RALYL: variants seen among roughly 807,000 people sequenced by gnomAD.
RALYL encodes the protein RALY RNA binding protein like, also known as RNA-binding Raly-like protein.
A neutral mutation model predicts 35.1 loss-of-function variants in RALYL; 29 were observed. The ratio of observed to expected loss-of-function variants is 0.83; its 90% CI spans 0.61 to 1.13. The LOEUF is 1.13. Among genes scored for constraint, RALYL ranks in the 50% most tolerant of loss-of-function variants. RALYL has a pLI of 0.00. For synonymous variants in RALYL, 120 were observed against 127.6 expected, an observed-to-expected ratio of 0.94 and a Z score of 0.40; for missense variants, 359 against 360.4, an observed-to-expected ratio of 1.00 and a Z score of 0.03.
At chr8:84,514,898 A>C (rs1186898922) in intron 1 of RALYL, among the ~76,000 whole-genome samples, 3 of 152,192 alleles carry the variant, frequency 2.0e-5, no homozygotes, top group Non-Finnish European at 4.4e-5. Flanking sequence ...TAGTTCTAGC[A>C]GTTGGTTCCC....
intron 2 of RALYL, among the ~76,000 whole-genome samples, chr8:84,591,496 CA>C (rs1813263149): frequency 6.6e-6 from 1 of 152,138 alleles, no homozygotes; most frequent in African/African-American, 2.4e-5. Flanking sequence ...CCTAAGTTTG[CA>C]TAAGGAACCC....
intron 1 of RALYL, among the ~76,000 whole-genome samples, chr8:84,527,440 A>G (rs966200402): frequency 2.0e-5 from 3 of 152,202 alleles, no homozygotes; most frequent in Non-Finnish European, 4.4e-5. Context: ...TAACCAATGT[A>G]TATCTGTCCA....
intron 2 of RALYL, among the ~76,000 whole-genome samples, chr8:84,680,204 A>T (rs1835123947): frequency 6.6e-6 from 1 of 152,184 alleles, no homozygotes; most frequent in South Asian, 2.1e-4. Flanking sequence ...GCTGCATAGT[A>T]TTCCATGGTA....
chr8:84,568,062 ATTATAC>A (rs2061911589), intron 2 of RALYL, among the ~76,000 whole-genome samples: 1 of 151,294 alleles, frequency 6.6e-6, no homozygotes, highest in East Asian at 1.9e-4. Flanking sequence ...TTTTATTATT[ATTATAC>A]TTTAGGTTAT....
chr8:84,537,444 T>G (rs930814854), intron 2 of RALYL, among the ~76,000 whole-genome samples: 1 of 146,490 alleles, frequency 6.8e-6, no homozygotes, highest in Non-Finnish European at 1.5e-5. Context: ...GCCACTGCAC[T>G]CCAGCCTCAG....
chr8:84,447,997 G>A (rs530225973), intron 1 of RALYL, among the ~76,000 whole-genome samples: 142 of 151,902 alleles, frequency 9.3e-4, no homozygotes, highest in African/African-American at 3.2e-3. Flanking sequence ...AGAGTGAGGA[G>A]AGAGAGAGAG....
intron 1 of RALYL, among the ~76,000 whole-genome samples, chr8:84,258,512 T>C (rs375029942): frequency 9.9e-5 from 15 of 152,162 alleles, no homozygotes; most frequent in African/African-American, 3.4e-4. Flanking sequence ...CTACAACTCC[T>C]CCTCCTTGCC....
chr8:84,488,969 T>C (rs141895117), intron 1 of RALYL, among the ~76,000 whole-genome samples: 2,487 of 152,158 alleles, frequency 0.016, 70 homozygotes, highest in African/African-American at 0.056. Flanking sequence ...TAAGACAAAT[T>C]ATAATAAAGG....
At chr8:84,685,451 A>G (rs1209447055) in intron 2 of RALYL, among the ~76,000 whole-genome samples, 1 of 152,030 alleles carries the variant, frequency 6.6e-6, no homozygotes, top group Non-Finnish European at 1.5e-5. Context: ...CACCCTCCTC[A>G]GCACTATTCA....
At chr8:84,621,127 G>A (rs1415784523) in intron 2 of RALYL, among the ~76,000 whole-genome samples, 1 of 152,218 alleles carries the variant, frequency 6.6e-6, no homozygotes, top group Non-Finnish European at 1.5e-5. Flanking sequence ...CCCAGTTCGA[G>A]CTTCCTGGCT....
At chr8:84,373,725 T>C (rs913387243) in intron 1 of RALYL, among the ~76,000 whole-genome samples, 6 of 152,050 alleles carry the variant, frequency 3.9e-5, no homozygotes, top group African/African-American at 1.4e-4. Flanking sequence ...TCATATTAAT[T>C]TTAAAATACT....
chr8:84,447,996 A>G (rs2049032408), intron 1 of RALYL, among the ~76,000 whole-genome samples: 2 of 151,692 alleles, frequency 1.3e-5, no homozygotes, highest in African/African-American at 4.8e-5. Flanking sequence ...GAGAGTGAGG[A>G]GAGAGAGAGA....
chr8:84,412,495 C>A lies in RALYL; in HGVS notation c.-23-116804C>A, dbSNP rs73304370. Among the ~76,000 whole-genome samples, 1,374 of 151,872 alleles carry A rather than the reference C, an allele frequency of 9.0e-3. 32 individuals carry two copies. Among genetic ancestry groups the A allele is most frequent in the African/African-American group, 0.031 (1,280 of 41,486 alleles). ...CATTTTTTGGTCTGAAGAGATTTCC[C>A]TCTGGGTTTCATTTGTATCAAAAGT... On this transcript the variant is annotated intron_variant, in intron 1 of 8. Coordinates refer to ENST00000521268, the MANE Select transcript of RALYL (RefSeq NM_173848.7).
At chr8:84,699,458 A>G (rs1839809146) in intron 2 of RALYL, among the ~76,000 whole-genome samples, 1 of 152,140 alleles carries the variant, frequency 6.6e-6, no homozygotes, top group Admixed American at 6.6e-5. Flanking sequence ...TCTAAGATCA[A>G]AGTGCTGGCA....
In RALYL at chr8:84,921,056, C is replaced by A; in HGVS notation, c.*145C>A. On this transcript the variant is annotated 3_prime_UTR_variant, in exon 9 of 9. Transcript: ENST00000521268. ...AATAAATAAAATGGACAGTATTGCT[C>A]AGTTTTAGAAATTCCATTTCTTCTA... 2.2e-6 allele frequency: 1 copy of A among 446,016 alleles called. No homozygotes were observed. Among genetic ancestry groups the A allele is most frequent in the South Asian group, 7.0e-5 (1 of 14,234 alleles). 27.6% of individuals were successfully genotyped at this position (446,016 alleles called of 1,614,324 possible). A position where few individuals can be genotyped will look rare whatever the true frequency, so the allele number is the denominator to read the frequency against.
chr8:84,590,494 G>C (rs1223385096), intron 2 of RALYL, among the ~76,000 whole-genome samples: 1 of 152,186 alleles, frequency 6.6e-6, no homozygotes. Flanking sequence ...CGTAGCATAA[G>C]GAGATATAAG....
intron 1 of RALYL, among the ~76,000 whole-genome samples, chr8:84,456,094 C>T (rs1480690467): frequency 6.6e-6 from 1 of 151,884 alleles, no homozygotes; most frequent in Non-Finnish European, 1.5e-5. Context: ...AAAATGTACA[C>T]AATTATAAAA....
intron 3 of RALYL, among the ~76,000 whole-genome samples, chr8:84,798,457 G>T (rs1326733872): frequency 6.6e-6 from 1 of 152,094 alleles, no homozygotes; most frequent in Non-Finnish European, 1.5e-5. Context: ...TTTGAGATAG[G>T]TCTACTATTA....
intron 2 of RALYL, among the ~76,000 whole-genome samples, chr8:84,588,923 A>C (rs1363341206): frequency 6.6e-6 from 1 of 150,912 alleles, no homozygotes; most frequent in African/African-American, 2.4e-5. Context: ...TTTGACATGG[A>C]GTTTCGCTCT....
Sources: gnomAD v4.1 joint callset for allele counts (sites outside exome capture counted in the v4.1 genomes callset) on GRCh38, gnomAD v4.1.1 for gene constraint, MANE v1.5 for transcripts, NCBI Gene and HGNC (gene_info 2026-07-23, HGNC 2026-07-21) for gene names.